The following SYNE1 variants were observed in gnomAD, a reference collection of about 807,000 sequenced individuals.
SYNE1 encodes the protein nesprin-1.
In SYNE1, 616 loss-of-function variants were observed where a neutral mutation model predicts 1,111.0. The ratio of observed to expected loss-of-function variants is 0.55; its 90% CI spans 0.52 to 0.59. SYNE1 has a LOEUF of 0.59. SYNE1 is among the 20% of genes least tolerant of loss of function. The pLI is 0.00. For synonymous variants in SYNE1, 3,855 were observed against 3,825.8 expected, an observed-to-expected ratio of 1.01 and a Z score of -0.28; for missense variants, 10,006 against 10,417.0, an observed-to-expected ratio of 0.96 and a Z score of 1.72.
chr6:152,344,320 A>T, intron 73 of SYNE1, 93 bp from the exon 74 acceptor site: 1 of 1,532,618 alleles, frequency 6.5e-7, no homozygotes, highest in Non-Finnish European at 8.9e-7. Context: ...AGTACATCTA[A>T]ATGGATTTTC....
chr6:152,521,949 G>A (rs1338543235), intron 5 of SYNE1, among the ~76,000 whole-genome samples: 3 of 152,016 alleles, frequency 2.0e-5, no homozygotes, highest in Admixed American at 2.0e-4. Flanking sequence ...ATTCACCCAT[G>A]TTTTCTAAGA....
chr6:152,412,851 ATTT>A (rs373723820), intron 42 of SYNE1, among the ~76,000 whole-genome samples: 1 of 131,656 alleles, frequency 7.6e-6, no homozygotes, highest in Admixed American at 7.7e-5. Flanking sequence ...TTCACATGTA[ATTT>A]TTTTTTTTTT....
At chr6:152,558,589 A>G (rs539151495) in intron 3 of SYNE1, among the ~76,000 whole-genome samples, 1 of 152,314 alleles carries the variant, frequency 6.6e-6, no homozygotes, top group African/African-American at 2.4e-5. Context: ...CTGTCAAAAG[A>G]GACAAAGAAG....
At chr6:152,620,765 A>G (rs1232050410) in intron 3 of SYNE1, among the ~76,000 whole-genome samples, 1 of 152,168 alleles carries the variant, frequency 6.6e-6, no homozygotes, top group Non-Finnish European at 1.5e-5. Flanking sequence ...GAAAATAAAT[A>G]TAATATTAAC....
chr6:152,472,321 T>C lies in SYNE1; in HGVS notation c.1443A>G (p.Gln481=), dbSNP rs1310123024. ...CTTACCTCTCGGCCATGTCCTCTAA[T>C]TGATCAGGTGGCACTGGAATCCCGT... ...SVNGIPVPPD[Q]LEDMAERFHF... is the part of the protein sequence containing the mutation. The change falls in exon 15 of 146, where the codon CAA becomes CAG. Residue 481 remains glutamine (Q), a synonymous_variant. Coordinates refer to ENST00000367255, the MANE Select transcript of SYNE1 (RefSeq NM_182961.4). 1 of 1,613,866 alleles carries C rather than the reference T, an allele frequency of 6.2e-7. No individual in the cohort carries two copies.
intron 115 of SYNE1, among the ~76,000 whole-genome samples, chr6:152,229,631 G>A (rs1184952164): frequency 2.0e-5 from 3 of 152,078 alleles, no homozygotes; most frequent in African/African-American, 7.2e-5. Context: ...TCCATTTATA[G>A]GACATACAGA....
intron 3 of SYNE1, among the ~76,000 whole-genome samples, chr6:152,592,777 G>A (rs2128534274): frequency 6.6e-6 from 1 of 152,316 alleles, no homozygotes; most frequent in Non-Finnish European, 1.5e-5. Flanking sequence ...ACAGATGAGA[G>A]GGCAGAGAAT....
intron 11 of SYNE1, among the ~76,000 whole-genome samples, chr6:152,489,713 C>T (rs2098960152): frequency 6.6e-6 from 1 of 152,152 alleles, no homozygotes; most frequent in Admixed American, 6.5e-5. Flanking sequence ...CAGAACTCGG[C>T]TCAGGCACAA....
chr6:152,301,762 G>T, intron 92 of SYNE1, 107 bp downstream of exon 92: 1 of 1,243,482 alleles, frequency 8.0e-7, no homozygotes, highest in Non-Finnish European at 1.1e-6. Context: ...CTCTGAATCT[G>T]CAAGATCGAA....
At chr6:152,487,721 T>A (rs1177004490) in intron 12 of SYNE1, among the ~76,000 whole-genome samples, 2 of 152,220 alleles carry the variant, frequency 1.3e-5, no homozygotes, top group Non-Finnish European at 2.9e-5. Flanking sequence ...TTTATACTAA[T>A]TTTCAATTTG....
intron 11 of SYNE1, 52 bp from the exon 12 acceptor site, chr6:152,488,555 T>C (rs1219921017): frequency 1.0e-6 from 1 of 969,292 alleles, no homozygotes; most frequent in East Asian, 2.4e-5. Flanking sequence ...ATTTATTTAA[T>C]TGCTGATTAA....
intron 10 of SYNE1, among the ~76,000 whole-genome samples, chr6:152,500,553 T>C (rs916207324): frequency 6.6e-6 from 1 of 152,216 alleles, no homozygotes; most frequent in African/African-American, 2.4e-5. Context: ...CTTATTCTTT[T>C]ATGAAGTCAC....
chr6:152,441,881 T>C (rs2098533700), intron 31 of SYNE1, among the ~76,000 whole-genome samples, 194 bp downstream of exon 31: 2 of 152,214 alleles, frequency 1.3e-5, no homozygotes, highest in African/African-American at 4.8e-5. Flanking sequence ...GCATCCACAC[T>C]TGCAAAATGT....
intron 22 of SYNE1, 139 bp downstream of exon 22, chr6:152,458,618 T>C (rs991735764): frequency 3.6e-5 from 29 of 816,684 alleles, no homozygotes; most frequent in Middle Eastern, 3.1e-4. Flanking sequence ...GGACAAGACA[T>C]GTATTTTTGT....
Position 152,132,464 on chromosome 6 carries a change from G to A in SYNE1, c.26002-250C>T, listed in dbSNP as rs561849360. 1.6e-4 allele frequency among the ~76,000 whole-genome samples: 25 copies of A among 152,300 alleles called. 1 individual carries two copies. The South Asian group carries it at 1.7e-3, about 10-fold the overall frequency. ...ATAGCTATGATTTTGTTATTGCTAT[G>A]TTTCACTTATAGCTTTATTATTTCT... On this transcript the variant is annotated intron_variant, in intron 143 of 145. Transcript: ENST00000367255.
intron 129 of SYNE1, among the ~76,000 whole-genome samples, chr6:152,178,583 G>A (rs987307251): frequency 4.6e-5 from 7 of 152,124 alleles, no homozygotes; most frequent in Admixed American, 2.6e-4. Flanking sequence ...TTTTCTATGT[G>A]TGCATATGGA....
At position 152,357,038 on chromosome 6, in the gene SYNE1, C is replaced by T. The variant is rs1172829712; in HGVS notation, c.10608+1335G>A. 2.0e-5 allele frequency among the ~76,000 whole-genome samples: 3 copies of T among 152,108 alleles called. No homozygotes were observed. The East Asian group carries it at 5.8e-4, about 29-fold the overall frequency. ...AGTCAAATAAATTACAACAGCTAAA[C>T]CTGTGGATCCTACTCTTTGGAGGCA... On this transcript the variant is annotated intron_variant, in intron 66 of 145. Transcript: ENST00000367255.
chr6:152,490,228 G>T (rs923115534), intron 11 of SYNE1, among the ~76,000 whole-genome samples: 3 of 152,042 alleles, frequency 2.0e-5, no homozygotes, highest in Non-Finnish European at 4.4e-5. Flanking sequence ...TAGGTTATAT[G>T]CAAATACTAC....
intron 124 of SYNE1, among the ~76,000 whole-genome samples, chr6:152,209,341 A>T (rs188820248): frequency 6.6e-6 from 1 of 152,336 alleles, no homozygotes; most frequent in African/African-American, 2.4e-5. Context: ...TAATGACTCA[A>T]CTTAAACAAA....
Sources: gnomAD v4.1 joint callset for allele counts (sites outside exome capture counted in the v4.1 genomes callset) on GRCh38, gnomAD v4.1.1 for gene constraint, MANE v1.5 for transcripts, NCBI Gene and HGNC (gene_info 2026-07-23, HGNC 2026-07-21) for gene names.